ANO2: variants seen among roughly 807,000 people sequenced by gnomAD.
ANO2 encodes the protein anoctamin-2.
Under a neutral mutation model 124.2 loss-of-function variants are expected in ANO2, and 101 were observed. That is an observed-to-expected ratio of 0.81 (90% CI 0.69 to 0.96). The LOEUF is 0.96. Among genes scored for constraint, ANO2 ranks in the 40% least tolerant of loss-of-function variants. ANO2 has a pLI of 0.00. For synonymous variants in ANO2, 486 were observed against 482.5 expected, an observed-to-expected ratio of 1.01 and a Z score of -0.09; for missense variants, 1,293 against 1,274.5, an observed-to-expected ratio of 1.01 and a Z score of -0.22.
intron 4 of ANO2, chr12:5,839,640 G>C (rs373825725): frequency 8.8e-6 from 4 of 455,802 alleles, no homozygotes; most frequent in Non-Finnish European, 1.8e-5. Context: ...GTTGATTGTG[G>C]TAAGCCCTGG....
intron 14 of ANO2, among the ~76,000 whole-genome samples, chr12:5,693,741 G>A (rs1026743082): frequency 6.6e-6 from 1 of 152,096 alleles, no homozygotes; most frequent in Non-Finnish European, 1.5e-5. Context: ...CCTCTTTGCT[G>A]TTCCTTGCAC....
intron 24 of ANO2, chr12:5,564,727 T>C (rs937175224): frequency 1.3e-5 from 2 of 152,238 alleles, no homozygotes; most frequent in African/African-American, 4.8e-5. Context: ...CAGCAGGGGA[T>C]GTCTGAGCGA....
At chr12:5,903,674 T>TGTGTGTGTGTGTGG (rs1031011707) in intron 3 of ANO2, among the ~76,000 whole-genome samples, 2 of 151,716 alleles carry the variant, frequency 1.3e-5, no homozygotes, top group African/African-American at 4.9e-5. Flanking sequence ...TGTGTGTGTG[T>TGTGTGTGTGTGTGG]GTGGGTGTAG....
intron 14 of ANO2, among the ~76,000 whole-genome samples, chr12:5,703,226 G>A (rs933673335): frequency 6.6e-6 from 1 of 152,146 alleles, no homozygotes; most frequent in Non-Finnish European, 1.5e-5. Flanking sequence ...TTAAGAAAAA[G>A]AGCAAAATGC....
intron 14 of ANO2, among the ~76,000 whole-genome samples, chr12:5,703,842 T>C (rs1273702622): frequency 1.3e-5 from 2 of 152,202 alleles, no homozygotes; most frequent in Non-Finnish European, 1.5e-5. Context: ...CCACCGTGCC[T>C]GGCAGCTTAT....
intron 3 of ANO2, among the ~76,000 whole-genome samples, chr12:5,867,292 C>T (rs1228040519): frequency 5.9e-5 from 9 of 152,206 alleles, no homozygotes; most frequent in Admixed American, 5.2e-4. Flanking sequence ...TACAGCCCCA[C>T]CTGCTCAGCC....
chr12:5,688,979 T>C (rs1948816171), intron 14 of ANO2, among the ~76,000 whole-genome samples: 1 of 151,902 alleles, frequency 6.6e-6, no homozygotes, highest in Non-Finnish European at 1.5e-5. Flanking sequence ...TGGAGAGGCA[T>C]GGAGGAATGA....
At chr12:5,651,726 C>A (rs1212708954) in intron 14 of ANO2, among the ~76,000 whole-genome samples, 1 of 152,216 alleles carries the variant, frequency 6.6e-6, no homozygotes, top group Non-Finnish European at 1.5e-5. Flanking sequence ...TCCCATTATT[C>A]TCCCATGTCC....
chr12:5,815,493 G>A (rs1338472990), intron 7 of ANO2, among the ~76,000 whole-genome samples: 1 of 152,032 alleles, frequency 6.6e-6, no homozygotes, highest in African/African-American at 2.4e-5. Flanking sequence ...TACATAAGAC[G>A]CCTTTATGTG....
chr12:5,638,846 G>A (rs554348896), intron 15 of ANO2, among the ~76,000 whole-genome samples: 90 of 152,242 alleles, frequency 5.9e-4, no homozygotes, highest in African/African-American at 2.1e-3. Flanking sequence ...TAAACAAAAT[G>A]CAACATAAGC....
At chr12:5,859,666 C>A (rs1248998996) in intron 3 of ANO2, among the ~76,000 whole-genome samples, 1 of 152,010 alleles carries the variant, frequency 6.6e-6, no homozygotes, top group Non-Finnish European at 1.5e-5. Context: ...CCAAGAAGCT[C>A]GGACTACAGG....
intron 20 of ANO2, among the ~76,000 whole-genome samples, chr12:5,584,703 C>T (rs140328787): frequency 4.0e-4 from 61 of 152,286 alleles, no homozygotes; most frequent in Middle Eastern, 3.4e-3. Flanking sequence ...GGGCTGACAA[C>T]GTCTGGCATA....
intron 1 of ANO2, among the ~76,000 whole-genome samples, chr12:5,943,279 G>GTA (rs1287956594): frequency 2.8e-3 from 24 of 8,580 alleles, no homozygotes; most frequent in African/African-American, 3.1e-3. Context: ...GTGTGTGTTT[G>GTA]TGTGTGTGTG....
chr12:5,770,963 C>A (rs1159249179), intron 10 of ANO2, among the ~76,000 whole-genome samples: 1 of 152,178 alleles, frequency 6.6e-6, no homozygotes, highest in East Asian at 1.9e-4. Flanking sequence ...GAGAGGCCTT[C>A]TGTGATCACC....
chr12:5,872,772 T>C (rs1056529148), intron 3 of ANO2, among the ~76,000 whole-genome samples: 2 of 152,044 alleles, frequency 1.3e-5, no homozygotes, highest in African/African-American at 4.8e-5. Context: ...GGAGGAGACA[T>C]GGTGTAATGC....
At chr12:5,713,334 C>T (rs1949885063) in intron 14 of ANO2, among the ~76,000 whole-genome samples, 1 of 152,180 alleles carries the variant, frequency 6.6e-6, no homozygotes, top group African/African-American at 2.4e-5. Flanking sequence ...GAACCACATG[C>T]ATTTATTCTT....
At chr12:5,781,875 T>C (rs1174905310) in intron 10 of ANO2, among the ~76,000 whole-genome samples, 1 of 152,234 alleles carries the variant, frequency 6.6e-6, no homozygotes, top group Non-Finnish European at 1.5e-5. Flanking sequence ...GGCTAGAATA[T>C]GTTCTGTCTT....
At chr12:5,737,415 C>T (rs1368038824) in intron 13 of ANO2, among the ~76,000 whole-genome samples, 1 of 152,212 alleles carries the variant, frequency 6.6e-6, no homozygotes, top group Non-Finnish European at 1.5e-5. Flanking sequence ...ATTATAATCT[C>T]ACCCCTGCCA....
At chr12:5,780,647 C>T (rs1043362946) in intron 10 of ANO2, among the ~76,000 whole-genome samples, 6 of 152,136 alleles carry the variant, frequency 3.9e-5, no homozygotes, top group African/African-American at 1.4e-4. Context: ...GTGCAACAAC[C>T]ACAGAGAGAG....
Sources: gnomAD v4.1 joint callset for allele counts (sites outside exome capture counted in the v4.1 genomes callset) on GRCh38, gnomAD v4.1.1 for gene constraint, MANE v1.5 for transcripts, NCBI Gene and HGNC (gene_info 2026-07-23, HGNC 2026-07-21) for gene names.